The following FHDC1 variants were observed in gnomAD, a reference collection of about 807,000 sequenced individuals.
FHDC1 encodes FH2 domain-containing protein 1.
In FHDC1, 25 loss-of-function variants were observed where a neutral mutation model predicts 52.6. That is an observed-to-expected ratio of 0.48 (90% CI 0.35 to 0.66). The LOEUF is 0.66. Among genes scored for constraint, FHDC1 ranks in the 30% least tolerant of loss-of-function variants. FHDC1 has a pLI of 0.01. For missense variants in FHDC1, 1,459 were observed against 1,452.8 expected, an observed-to-expected ratio of 1.00 and a Z score of -0.07; for synonymous variants, 616 against 581.5, an observed-to-expected ratio of 1.06 and a Z score of -0.85.
intron 1 of FHDC1, among the ~76,000 whole-genome samples, chr4:152,938,003 T>A (rs570159642): frequency 7.6e-4 from 116 of 152,200 alleles, no homozygotes; most frequent in Non-Finnish European, 1.4e-3. Flanking sequence ...AGAAGTGGTG[T>A]CCCAGGACCC....
chr4:152,949,112 TAATAATAATAATAAGAAGAAGAAG>T (rs774391882), intron 2 of FHDC1, among the ~76,000 whole-genome samples: 5,093 of 79,524 alleles, frequency 0.064, 128 homozygotes, highest in Admixed American at 0.16. Flanking sequence ...ATAATAATAA[TAATAATAATAATAAGAAGAAGAAG>T]AAGAAGAAGA....
At chr4:152,972,682 C>T in intron 11 of FHDC1, 141 bp downstream of exon 11, 1 of 1,028,966 alleles carries the variant, frequency 9.7e-7, no homozygotes, top group Non-Finnish European at 1.4e-6. Flanking sequence ...TATTGCCAGG[C>T]TCTCGGCTGG....
rs1740961983 is a variant in FHDC1 at position 152,978,295 on chromosome 4, T to TTG, written c.*1577_*1578dup. The stretch of plus-strand genomic sequence containing the variant: ...CTGTCTCCCAGCCTTTCTTCTCTCT[T>TTG]TGTGTGCTCCCAGCACTTCCTTCTT... On this transcript the variant is annotated 3_prime_UTR_variant, in exon 12 of 12. Transcript: ENST00000511601. 1 of 152,234 alleles carries TTG rather than the reference T, an allele frequency of 6.6e-6. No homozygotes were observed. Among genetic ancestry groups the TTG allele is most frequent in the South Asian group, 2.1e-4 (1 of 4,832 alleles). The allele number at this position is 152,234 out of a possible 1,614,324, so 9.4% of individuals were successfully genotyped here.
At chr4:152,953,828 T>C (rs910489474) in intron 3 of FHDC1, among the ~76,000 whole-genome samples, 3 of 152,268 alleles carry the variant, frequency 2.0e-5, no homozygotes, top group African/African-American at 7.2e-5. Flanking sequence ...CCTTTAGTGT[T>C]GCCCCTTCAG....
intron 2 of FHDC1, 135 bp downstream of exon 2, chr4:152,943,690 T>A: frequency 1.9e-6 from 2 of 1,071,764 alleles, no homozygotes; most frequent in Non-Finnish European, 1.3e-6. Context: ...TTGGAAATGC[T>A]AGGCAGGGTC....
At chr4:152,927,940 C>T in the FHDC1 span, 2 of 1,456,030 alleles carry the variant, frequency 1.4e-6, no homozygotes, top group Admixed American at 1.7e-5. Flanking sequence ...CAGAGAGTGA[C>T]AACAGTGTGA....
At chr4:152,959,734 G>A (rs1050075294) in intron 4 of FHDC1, among the ~76,000 whole-genome samples, 29 of 152,084 alleles carry the variant, frequency 1.9e-4, no homozygotes, top group Non-Finnish European at 4.0e-4. Context: ...TGTGTATGTA[G>A]GTGTGTGCAT....
At chr4:152,941,566 C>T (rs998052095) in intron 1 of FHDC1, among the ~76,000 whole-genome samples, 3 of 152,138 alleles carry the variant, frequency 2.0e-5, no homozygotes, top group Non-Finnish European at 2.9e-5. Flanking sequence ...CGTTACCAAC[C>T]TCAGCTCATG....
the FHDC1 span, among the ~76,000 whole-genome samples, chr4:152,925,152 C>A: frequency 6.6e-6 from 1 of 151,014 alleles, no homozygotes; most frequent in Non-Finnish European, 1.5e-5. Context: ...GTTACATGAA[C>A]TTGAAATAGC....
At chr4:152,946,575 G>A (rs953316495) in intron 2 of FHDC1, among the ~76,000 whole-genome samples, 8 of 152,124 alleles carry the variant, frequency 5.3e-5, no homozygotes, top group Admixed American at 2.6e-4. Flanking sequence ...TGCAGTAAGC[G>A]GAGTCCAGGG....
chr4:152,947,925 A>G (rs964504526), intron 2 of FHDC1, among the ~76,000 whole-genome samples: 5 of 152,210 alleles, frequency 3.3e-5, no homozygotes, highest in African/African-American at 1.2e-4. Flanking sequence ...GCTGTCAGTC[A>G]TTCTCACCTT....
At chr4:152,964,174 A>G (rs1013168270) in intron 8 of FHDC1, among the ~76,000 whole-genome samples, 1 of 152,194 alleles carries the variant, frequency 6.6e-6, no homozygotes, top group African/African-American at 2.4e-5. Flanking sequence ...CTGACTCCAT[A>G]AAGTGCTTAT....
At chr4:152,961,578 G>A (rs964259053) in intron 6 of FHDC1, among the ~76,000 whole-genome samples, 14 of 152,132 alleles carry the variant, frequency 9.2e-5, no homozygotes, top group African/African-American at 2.9e-4. Flanking sequence ...TTTTCAGCTC[G>A]GGGCCATATT....
At chr4:152,968,510 G>T (rs997095686) in intron 10 of FHDC1, among the ~76,000 whole-genome samples, 2 of 152,056 alleles carry the variant, frequency 1.3e-5, no homozygotes, top group African/African-American at 4.8e-5. Context: ...TATTTTTTCA[G>T]TAGAGACGCG....
rs1741012982 is a variant in FHDC1 at position 152,979,490 on chromosome 4, G to A, written c.*2767G>A. 1 of 152,210 alleles carries A rather than the reference G, an allele frequency of 6.6e-6. No individual in the cohort carries two copies. Among genetic ancestry groups the A allele is most frequent in the Admixed American group, 6.5e-5 (1 of 15,284 alleles). 9.4% of individuals were successfully genotyped at this position (152,210 alleles called of 1,614,324 possible). Reference sequence around the variant, plus strand: ...ACAACTTCTCTATGCATCTGTGTGAGCAGATGATCATTGTATTACCTTTTA... The same window carrying A: ...ACAACTTCTCTATGCATCTGTGTGAACAGATGATCATTGTATTACCTTTTA... On this transcript the variant is annotated 3_prime_UTR_variant, in exon 12 of 12. Transcript: ENST00000511601.
chr4:152,925,451 G>GA, the FHDC1 span, among the ~76,000 whole-genome samples: 1 of 152,112 alleles, frequency 6.6e-6, no homozygotes, highest in African/African-American at 2.4e-5. Context: ...ACTCTTAGGT[G>GA]AAAAAATCAG....
the FHDC1 span, among the ~76,000 whole-genome samples, chr4:152,918,992 G>T: frequency 1.3e-5 from 2 of 152,252 alleles, no homozygotes; most frequent in Admixed American, 1.3e-4. Flanking sequence ...TAGCAGATTT[G>T]CTTCTGGCCC....
chr4:152,946,947 G>A (rs1293259459), intron 2 of FHDC1, among the ~76,000 whole-genome samples: 1 of 152,090 alleles, frequency 6.6e-6, no homozygotes, highest in Non-Finnish European at 1.5e-5. Flanking sequence ...GGCCAGGCAC[G>A]GTGGCTCGCA....
At chr4:152,951,899 A>G (rs2149944527) in intron 2 of FHDC1, among the ~76,000 whole-genome samples, 1 of 152,226 alleles carries the variant, frequency 6.6e-6, no homozygotes, top group East Asian at 1.9e-4. Flanking sequence ...AAGCCACCTG[A>G]AATTTTGATC....
Sources: gnomAD v4.1 joint callset for allele counts (sites outside exome capture counted in the v4.1 genomes callset) on GRCh38, gnomAD v4.1.1 for gene constraint, MANE v1.5 for transcripts, NCBI Gene and HGNC (gene_info 2026-07-23, HGNC 2026-07-21) for gene names.